PRIM2: variants seen among roughly 807,000 people sequenced by gnomAD.
PRIM2 encodes DNA primase subunit 2.
A neutral mutation model predicts 67.3 loss-of-function variants in PRIM2; 39 were observed. That is an observed-to-expected ratio of 0.58 (90% CI 0.45 to 0.76). The LOEUF (loss-of-function observed/expected upper bound fraction) is 0.76. PRIM2 is among the 30% of genes least tolerant of loss of function. The pLI is 0.00. For synonymous variants in PRIM2, 143 were observed against 198.7 expected, an observed-to-expected ratio of 0.72 and a Z score of 2.36; for missense variants, 398 against 598.7, an observed-to-expected ratio of 0.66 and a Z score of 3.50.
chr6:57,639,749 A>G (rs1485322842), intron 13 of PRIM2, among the ~76,000 whole-genome samples: 6 of 150,764 alleles, frequency 4.0e-5, no homozygotes, highest in African/African-American at 1.2e-4. Context: ...TAGCCTATCA[A>G]CCAAAAAAAA....
chr6:57,636,430 TAA>T (rs1473079504), intron 13 of PRIM2, among the ~76,000 whole-genome samples: 1 of 152,138 alleles, frequency 6.6e-6, no homozygotes, highest in Admixed American at 6.5e-5. Context: ...AAAAAACCCC[TAA>T]GTTTATTTTC....
At chr6:57,320,429 G>T (rs1294653469) in intron 2 of PRIM2, 28 bp from the exon 3 acceptor site, 5 of 1,440,424 alleles carry the variant, frequency 3.5e-6, no homozygotes, top group Non-Finnish European at 4.7e-6. Context: ...ACATTATCTT[G>T]CATTTATACC....
chr6:57,349,087 C>A (rs1279156465), intron 5 of PRIM2, among the ~76,000 whole-genome samples: 2 of 151,934 alleles, frequency 1.3e-5, no homozygotes, highest in Non-Finnish European at 2.9e-5. Flanking sequence ...CAACAGAAAC[C>A]CAGAAACCAA....
In PRIM2 at chr6:57,473,094, C is replaced by T. The variant is rs1445092469; in HGVS notation, c.694-34293C>T. On this transcript the variant is annotated intron_variant, in intron 7 of 13. Transcript: ENST00000615550. ...TTCTGCTTCAGTAAACCTAAATTCT[C>T]CCTTTGAAGAAGAATTGCTTACATT... Among the ~76,000 whole-genome samples, 3 of 152,172 alleles carry T rather than the reference C, an allele frequency of 2.0e-5. No individual in the cohort carries two copies. In the East Asian group the frequency reaches 5.8e-4, roughly 29 times the overall value.
chr6:57,529,820 A>G (rs1171465768), intron 8 of PRIM2, among the ~76,000 whole-genome samples: 1 of 152,204 alleles, frequency 6.6e-6, no homozygotes, highest in Admixed American at 6.5e-5. Flanking sequence ...AATATCTGAA[A>G]TTGGGTAATT....
rs1363909014 is a variant in PRIM2, at chr6:57,469,534, C to T, written c.694-37853C>T. 2.6e-5 allele frequency among the ~76,000 whole-genome samples: 4 copies of T among 152,244 alleles called. No individual in the cohort carries two copies. The South Asian group carries it at 8.3e-4, about 32-fold the overall frequency. ...ATGTGAATTCTCTAATCAGAGCATA[C>T]AGATCAGTCAAATATATGACTTATT... On this transcript the variant is annotated intron_variant, in intron 7 of 13. Coordinates refer to ENST00000615550, the MANE Select transcript of PRIM2 (RefSeq NM_000947.5).
intron 7 of PRIM2, among the ~76,000 whole-genome samples, chr6:57,500,242 C>T (rs1460376884): frequency 2.6e-5 from 4 of 152,256 alleles, no homozygotes; most frequent in South Asian, 4.2e-4. Context: ...CTGCATGTGC[C>T]ACCCTTTTGA....
chr6:57,526,460 G>A (rs1430832794), intron 8 of PRIM2, among the ~76,000 whole-genome samples: 2 of 152,068 alleles, frequency 1.3e-5, no homozygotes, highest in African/African-American at 4.8e-5. Context: ...GCTAAACTGA[G>A]AATTAAGGAA....
At chr6:57,337,846 A>T (rs1396816339) in intron 5 of PRIM2, among the ~76,000 whole-genome samples, 5 of 152,248 alleles carry the variant, frequency 3.3e-5, no homozygotes, top group Non-Finnish European at 7.3e-5. Flanking sequence ...AAGGCAAGAA[A>T]TAACTAACAT....
chr6:57,426,530 C>T (rs6928559), intron 7 of PRIM2, among the ~76,000 whole-genome samples: 1 of 152,130 alleles, frequency 6.6e-6, no homozygotes, highest in African/African-American at 2.4e-5. Context: ...AAAAAGGATG[C>T]TCAGTATTGC....
intron 8 of PRIM2, among the ~76,000 whole-genome samples, chr6:57,523,736 C>T (rs1554349115): frequency 2.0e-5 from 3 of 151,862 alleles, no homozygotes; most frequent in Non-Finnish European, 4.4e-5. Flanking sequence ...TTTTCTTAAC[C>T]AGCTAATCTT....
intron 7 of PRIM2, among the ~76,000 whole-genome samples, chr6:57,432,061 A>AAT (rs1771848362): frequency 6.6e-6 from 1 of 152,212 alleles, no homozygotes; most frequent in African/African-American, 2.4e-5. Context: ...TAAGCCAAGT[A>AAT]ATATGTTATC....
intron 3 of PRIM2, 43 bp from the exon 4 acceptor site, chr6:57,324,158 C>A: frequency 9.2e-7 from 1 of 1,089,434 alleles, no homozygotes; most frequent in South Asian, 1.3e-5. Flanking sequence ...CACCTCTTAC[C>A]ATTCTAATGC....
chr6:57,538,599 A>G (rs1266611482), intron 10 of PRIM2, among the ~76,000 whole-genome samples: 1 of 152,226 alleles, frequency 6.6e-6, no homozygotes, highest in African/African-American at 2.4e-5. Context: ...ATTTTATAGT[A>G]CTTTATTATG....
chr6:57,510,541 C>A (rs1774342111), intron 8 of PRIM2, among the ~76,000 whole-genome samples: 1 of 152,108 alleles, frequency 6.6e-6, no homozygotes, highest in South Asian at 2.1e-4. Context: ...ACTGTACATT[C>A]ATTTAAGGGC....
At chr6:57,269,248 C>T in the PRIM2 span, among the ~76,000 whole-genome samples, 1 of 151,822 alleles carries the variant, frequency 6.6e-6, no homozygotes, top group Non-Finnish European at 1.5e-5. Context: ...ACAGTCCCAC[C>T]AACAGTGTAA....
At chr6:57,642,082 G>A (rs1382429302) in intron 13 of PRIM2, among the ~76,000 whole-genome samples, 2 of 152,136 alleles carry the variant, frequency 1.3e-5, no homozygotes, top group Non-Finnish European at 2.9e-5. Context: ...TCCTTTGCAG[G>A]GACATGGATG....
At position 57,382,059 on chromosome 6, in the gene PRIM2, T is replaced by C; in HGVS notation, c.584T>C (p.Phe195Ser). Reference sequence around the variant, plus strand: ...CCTTTTGCTGATGCTCTGGATTTGTTTCGAGGAAGGAAAGTCTATTTGGAA... The same window carrying C: ...CCTTTTGCTGATGCTCTGGATTTGTCTCGAGGAAGGAAAGTCTATTTGGAA... ...KIPFADALDL[F>S]RGRKVYLEDG... Residue 195 changes from phenylalanine to serine, a missense_variant, in exon 7 of 14, where the codon TTT (phenylalanine) becomes TCT (serine). By Grantham distance (155) the Phe-to-Ser change is radical (BLOSUM62 -2). Coordinates refer to ENST00000615550, the MANE Select transcript of PRIM2 (RefSeq NM_000947.5). 1 of 1,612,084 alleles carries C rather than the reference T, an allele frequency of 6.2e-7. No individual in the cohort carries two copies. The highest frequency in any genetic ancestry group is 2.2e-5 in the East Asian group (1 of 44,820).
At chr6:57,591,297 TAATC>T (rs1378711487) in intron 10 of PRIM2, among the ~76,000 whole-genome samples, 3 of 152,174 alleles carry the variant, frequency 2.0e-5, no homozygotes, top group Non-Finnish European at 1.5e-5. Flanking sequence ...CAAGACAACA[TAATC>T]AATAGGTCAA....
Sources: allele counts gnomAD v4.1 joint callset (sites outside exome capture counted in the v4.1 genomes callset), GRCh38; gene constraint gnomAD v4.1.1; transcripts MANE v1.5; gene names NCBI Gene and HGNC (gene_info 2026-07-23, HGNC 2026-07-21).